The following ME1 variants were observed in gnomAD, a reference collection of about 807,000 sequenced individuals.
The protein encoded by ME1 is NADP-dependent malic enzyme.
In ME1, 74 loss-of-function variants were observed where a neutral mutation model predicts 66.4. The ratio of observed to expected loss-of-function variants is 1.11; its 90% CI spans 0.92 to 1.35. The LOEUF is 1.35. Ranked by LOEUF, ME1 falls within the 40% of genes most tolerant of loss-of-function variation. ME1 has a pLI of 0.00. For synonymous variants in ME1, 251 were observed against 235.6 expected, an observed-to-expected ratio of 1.07 and a Z score of -0.60; for missense variants, 750 against 694.1, an observed-to-expected ratio of 1.08 and a Z score of -0.90.
At chr6:83,379,456 A>G (rs1769354167) in intron 3 of ME1, among the ~76,000 whole-genome samples, 3 of 152,072 alleles carry the variant, frequency 2.0e-5, no homozygotes, top group African/African-American at 7.2e-5. Flanking sequence ...AAGGTACTAA[A>G]TATGATATAC....
At chr6:83,357,927 CTCTCTCTCTATATATA>C (rs1338289279) in intron 3 of ME1, among the ~76,000 whole-genome samples, 2 of 58,332 alleles carry the variant, frequency 3.4e-5, no homozygotes, top group Non-Finnish European at 6.9e-5. Context: ...CTCTCTCTCT[CTCTCTCTCTATATATA>C]TATATATATA....
At chr6:83,314,325 G>A (rs2128539034) in intron 6 of ME1, among the ~76,000 whole-genome samples, 1 of 152,288 alleles carries the variant, frequency 6.6e-6, no homozygotes, top group Non-Finnish European at 1.5e-5. Flanking sequence ...GCGCTGATAT[G>A]ATGCCACCAG....
intron 13 of ME1, among the ~76,000 whole-genome samples, chr6:83,215,277 T>C (rs1330243725): frequency 6.6e-6 from 1 of 152,188 alleles, no homozygotes; most frequent in Non-Finnish European, 1.5e-5. Context: ...CCCAAGGGGA[T>C]ACTTGACAAT....
intron 6 of ME1, among the ~76,000 whole-genome samples, chr6:83,284,943 C>G (rs1767369401): frequency 6.6e-6 from 1 of 152,100 alleles, no homozygotes; most frequent in Non-Finnish European, 1.5e-5. Context: ...ATATATTTAT[C>G]ACATTTAAAA....
At chr6:83,397,719 G>C (rs1769764335) in intron 3 of ME1, among the ~76,000 whole-genome samples, 4 of 152,098 alleles carry the variant, frequency 2.6e-5, no homozygotes, top group Admixed American at 2.6e-4. Context: ...CAAGATATGG[G>C]ATCAAGGTAA....
chr6:83,408,440 C>A (rs1193152885), intron 1 of ME1, among the ~76,000 whole-genome samples: 2 of 152,242 alleles, frequency 1.3e-5, no homozygotes, highest in East Asian at 1.9e-4. Context: ...CATACCACAC[C>A]CTTTTATTCT....
rs369892653 is a variant in ME1, at chr6:83,261,417, G to A, written c.705-7679C>T. 8.2e-3 allele frequency among the ~76,000 whole-genome samples: 528 copies of A among 64,632 alleles called. 1 individual carries two copies. The highest frequency in any genetic ancestry group is 0.029 in the African/African-American group (505 of 17,696). 42.4% of individuals were successfully genotyped at this position (64,632 alleles called of 152,430 possible). On this transcript the variant is annotated intron_variant, in intron 6 of 13. Coordinates refer to ENST00000369705, the MANE Select transcript of ME1 (RefSeq NM_002395.6). ...TGTAGGTTCTTTGTTTACTCTGTTG[G>A]TAATTTTTTTTTTTTTTTTTTTGCT...
Position 83,346,182 on chromosome 6 carries a change from G to A in ME1, c.591C>T (p.Thr197=), listed in dbSNP as rs202177619. ...ECLPVILDVG[T]ENEELLKDPL... is the part of the protein sequence containing the mutation. ...GACGTAAATTATTTACCTCATTTTC[G>A]GTTCCCACATCCAGAATGACAGGCA... is the stretch of plus-strand genomic sequence containing the variant. The change falls in exon 5 of 14, where the codon ACC becomes ACT. Residue 197 remains threonine, a synonymous_variant. Transcript: ENST00000369705. 1.3e-4 allele frequency: 205 copies of A among 1,603,574 alleles called. 1 individual carries two copies. The South Asian group carries it at 1.7e-3, about 13-fold the overall frequency.
chr6:83,404,867 T>A (rs1769909593), intron 2 of ME1, among the ~76,000 whole-genome samples: 1 of 152,360 alleles, frequency 6.6e-6, no homozygotes, highest in East Asian at 1.9e-4. Flanking sequence ...TTGGTCTATA[T>A]ACCTGTTTTG....
intron 5 of ME1, among the ~76,000 whole-genome samples, chr6:83,341,461 TCTTGAAGAGTACGTATAC>T (rs6149672): frequency 0.32 from 48,611 of 151,984 alleles, 8,140 homozygotes; most frequent in Middle Eastern, 0.5. Context: ...ATGAGGGCAG[TCTTGAAGAGTACGTATAC>T]CTGTAAACTC....
At chr6:83,344,223 C>T (rs1422991652) in intron 5 of ME1, among the ~76,000 whole-genome samples, 1 of 149,038 alleles carries the variant, frequency 6.7e-6, no homozygotes, top group Non-Finnish European at 1.5e-5. Flanking sequence ...GAGTTTAAGG[C>T]TGCAATAAGC....
chr6:83,409,086 C>A (rs1769998978), intron 1 of ME1, among the ~76,000 whole-genome samples: 1 of 152,088 alleles, frequency 6.6e-6, no homozygotes, highest in South Asian at 2.1e-4. Context: ...GAGGACACAG[C>A]AAGAAGACCA....
chr6:83,391,791 G>C (rs1321791045), intron 3 of ME1, among the ~76,000 whole-genome samples: 1 of 152,048 alleles, frequency 6.6e-6, no homozygotes, highest in African/African-American at 2.4e-5. Context: ...GGCATTGGCT[G>C]TTCCTTCTGT....
At chr6:83,227,560 C>A (rs550302932) in intron 10 of ME1, 83 bp from the exon 11 acceptor site, 2 of 1,160,436 alleles carry the variant, frequency 1.7e-6, no homozygotes, top group East Asian at 5.1e-5. Flanking sequence ...TCAATGATAT[C>A]TATCAGCTCA....
intron 3 of ME1, among the ~76,000 whole-genome samples, chr6:83,366,626 G>A (rs1769105375): frequency 6.6e-6 from 1 of 152,182 alleles, no homozygotes; most frequent in Non-Finnish European, 1.5e-5. Flanking sequence ...ACACTGAGGA[G>A]CTATACGATC....
intron 3 of ME1, among the ~76,000 whole-genome samples, chr6:83,381,305 G>A (rs1769392548): frequency 6.6e-6 from 1 of 152,108 alleles, no homozygotes; most frequent in Non-Finnish European, 1.5e-5. Flanking sequence ...GTTCAGGATG[G>A]ATTTGTACAG....
intron 5 of ME1, among the ~76,000 whole-genome samples, chr6:83,319,423 A>C (rs1423384017): frequency 1.3e-5 from 2 of 152,146 alleles, no homozygotes; most frequent in Non-Finnish European, 2.9e-5. Flanking sequence ...GCCTATTTTG[A>C]AAGAATTGTG....
At chr6:83,364,148 T>C (rs1769055664) in intron 3 of ME1, among the ~76,000 whole-genome samples, 1 of 152,154 alleles carries the variant, frequency 6.6e-6, no homozygotes, top group African/African-American at 2.4e-5. Context: ...TTAATCTTGG[T>C]GGGCACCATC....
intron 3 of ME1, among the ~76,000 whole-genome samples, chr6:83,395,840 G>GA (rs113761631): frequency 1.4e-3 from 182 of 133,204 alleles, no homozygotes; most frequent in Middle Eastern, 3.7e-3. Flanking sequence ...GCAAGCAAAA[G>GA]AAAAAAAAAA....
Sources: gnomAD v4.1 joint callset for allele counts (sites outside exome capture counted in the v4.1 genomes callset) on GRCh38, gnomAD v4.1.1 for gene constraint, MANE v1.5 for transcripts, NCBI Gene and HGNC (gene_info 2026-07-23, HGNC 2026-07-21) for gene names.